NSUN6: variants seen among roughly 807,000 people sequenced by gnomAD.
NSUN6 encodes tRNA (cytosine(72)-C(5))-methyltransferase NSUN6.
In NSUN6, 64 loss-of-function variants were observed where a neutral mutation model predicts 58.0. The ratio of observed to expected loss-of-function variants is 1.10; its 90% confidence interval spans 0.90 to 1.36. The LOEUF is 1.36. Ranked by LOEUF, NSUN6 falls within the 40% of genes most tolerant of loss-of-function variation. The pLI, the probability that NSUN6 is intolerant of heterozygous loss-of-function variation, is 0.00. For missense variants in NSUN6, 701 were observed against 550.1 expected (o/e 1.27, Z -2.74); for synonymous variants, 231 against 193.9 (o/e 1.19, Z -1.59).
At chr10:18,615,106 C>CATATAT (rs5783616) in intron 4 of NSUN6, among the ~76,000 whole-genome samples, 4,761 of 146,940 alleles carry the variant, frequency 0.032, 97 homozygotes, top group African/African-American at 0.068. Context: ...TATAGTCATT[C>CATATAT]ATATATATAT....
At chr10:18,592,478 A>G (rs1378354290) in intron 7 of NSUN6, among the ~76,000 whole-genome samples, 1 of 152,220 alleles carries the variant, frequency 6.6e-6, no homozygotes, top group Non-Finnish European at 1.5e-5. Context: ...CTATATTACA[A>G]GGCTACAGTA....
chr10:18,628,066 C>G (rs552227675), intron 3 of NSUN6, among the ~76,000 whole-genome samples: 19 of 152,168 alleles, frequency 1.2e-4, no homozygotes, highest in African/African-American at 4.3e-4. Flanking sequence ...GATCTGAGAA[C>G]GGGCAGACTG....
chr10:18,606,418 T>A (rs2058050513), intron 6 of NSUN6, among the ~76,000 whole-genome samples: 1 of 151,968 alleles, frequency 6.6e-6, no homozygotes, highest in Non-Finnish European at 1.5e-5. Flanking sequence ...AGAGACATCA[T>A]GATTAAATGC....
intron 3 of NSUN6, among the ~76,000 whole-genome samples, chr10:18,618,682 C>CAAA (rs35116933): frequency 9.7e-5 from 5 of 51,470 alleles, no homozygotes; most frequent in Admixed American, 2.2e-4. Context: ...AACTCCATCT[C>CAAA]AAAAAAAAAA....
intron 8 of NSUN6, among the ~76,000 whole-genome samples, chr10:18,555,727 T>C (rs1461673900): frequency 7.5e-6 from 1 of 132,638 alleles, no homozygotes; most frequent in Non-Finnish European, 1.6e-5. Context: ...GAATGGACAA[T>C]GGGTTAGAAT....
intron 8 of NSUN6, among the ~76,000 whole-genome samples, chr10:18,557,996 T>C (rs1216434618): frequency 2.0e-5 from 3 of 147,342 alleles, no homozygotes; most frequent in East Asian, 2.0e-4. Context: ...TGCAACTGAA[T>C]GGGATGGACA....
At chr10:18,560,822 G>A (rs1313047524) in intron 8 of NSUN6, among the ~76,000 whole-genome samples, 1 of 150,926 alleles carries the variant, frequency 6.6e-6, no homozygotes, top group Non-Finnish European at 1.5e-5. Flanking sequence ...ATATGGAACG[G>A]AATGGAGAAT....
intron 7 of NSUN6, 28 bp from the exon 8 acceptor site, chr10:18,586,121 A>AC: frequency 6.7e-7 from 1 of 1,492,328 alleles, no homozygotes; most frequent in Non-Finnish European, 9.0e-7. Flanking sequence ...ACACACATGC[A>AC]GAAAAAAAAA....
rs531417245 is a variant in NSUN6, at chr10:18,587,540, C to T, written c.778-1447G>A. Reference sequence around the variant, plus strand: ...AACAGCTCCAGTCTGTAGCTCCCAGCGAGACCAATGCAGAACGTGAGTGAT... The same window carrying T: ...AACAGCTCCAGTCTGTAGCTCCCAGTGAGACCAATGCAGAACGTGAGTGAT... On this transcript the variant is annotated intron_variant, in intron 7 of 10. Coordinates refer to ENST00000377304, the MANE Select transcript of NSUN6 (RefSeq NM_182543.5). Among the ~76,000 whole-genome samples, 7 of 152,244 alleles carry T rather than the reference C, an allele frequency of 4.6e-5. No homozygotes were observed. The South Asian group carries it at 6.2e-4, about 14-fold the overall frequency.
At chr10:18,562,439 TG>T in intron 8 of NSUN6, among the ~76,000 whole-genome samples, 1 of 148,708 alleles carries the variant, frequency 6.7e-6, no homozygotes, top group African/African-American at 2.5e-5. Flanking sequence ...GAATGCGGAA[TG>T]GAATGGAATG....
At chr10:18,587,537 C>T (rs2057207155) in intron 7 of NSUN6, among the ~76,000 whole-genome samples, 1 of 152,144 alleles carries the variant, frequency 6.6e-6, no homozygotes, top group Non-Finnish European at 1.5e-5. Flanking sequence ...CTGTAGCTCC[C>T]AGCGAGACCA....
chr10:18,600,825 G>A (rs2057775321), intron 6 of NSUN6, among the ~76,000 whole-genome samples: 1 of 149,724 alleles, frequency 6.7e-6, no homozygotes, highest in African/African-American at 2.5e-5. Context: ...CTACTTAGGA[G>A]GCTAAGGCAT....
rs2057118796 is a variant in NSUN6 at position 18,585,986 on chromosome 10, T to C, written c.885A>G (p.Thr295=). Residue 295 remains threonine, a synonymous_variant, in exon 8 of 11, where the codon ACA becomes ACG. Coordinates refer to ENST00000377304, the MANE Select transcript of NSUN6 (RefSeq NM_182543.5). ...CCACCATATCAAGTTTAACCGCCTT[T>C]GTTCCATCAAAACAAAATGCCCTGA... ...NSIRAFCFDG[T]KAVKLDMVED... 6.2e-7 allele frequency: 1 copy of C among 1,610,784 alleles called. No homozygotes were observed. The highest frequency in any genetic ancestry group is 1.1e-5 in the South Asian group (1 of 89,804).
chr10:18,652,595 C>CT, upstream of NSUN6: 2 of 880,348 alleles, frequency 2.3e-6, no homozygotes, highest in Non-Finnish European at 2.7e-6. Flanking sequence ...TTTTGAGTCT[C>CT]TGTCGCCCAG....
chr10:18,562,288 T>C (rs1384449310), intron 8 of NSUN6, among the ~76,000 whole-genome samples: 2 of 149,240 alleles, frequency 1.3e-5, no homozygotes, highest in African/African-American at 2.5e-5. Context: ...GAATGGAGAA[T>C]GGAATGCAAC....
intron 8 of NSUN6, among the ~76,000 whole-genome samples, chr10:18,585,365 A>C (rs1313391887): frequency 6.6e-6 from 1 of 152,206 alleles, no homozygotes; most frequent in Non-Finnish European, 1.5e-5. Context: ...CTGCACTCTC[A>C]TTTCACTGCA....
intron 2 of NSUN6, among the ~76,000 whole-genome samples, chr10:18,646,885 A>C (rs2059562366): frequency 1.3e-5 from 2 of 152,218 alleles, no homozygotes; most frequent in South Asian, 4.1e-4. Flanking sequence ...AGTGGGCCTC[A>C]GAACAGTTTC....
At chr10:18,639,881 T>C (rs1184084831) in intron 3 of NSUN6, among the ~76,000 whole-genome samples, 1 of 152,210 alleles carries the variant, frequency 6.6e-6, no homozygotes, top group Non-Finnish European at 1.5e-5. Flanking sequence ...TGGTAATATG[T>C]CTCCAACTAA....
At chr10:18,561,712 G>C (rs1378961387) in intron 8 of NSUN6, among the ~76,000 whole-genome samples, 1 of 151,276 alleles carries the variant, frequency 6.6e-6, no homozygotes, top group South Asian at 2.1e-4. Context: ...GAATGGAATA[G>C]AATGGAGAAA....
Sources: gnomAD v4.1 joint callset for allele counts (sites outside exome capture counted in the v4.1 genomes callset) on GRCh38, gnomAD v4.1.1 for gene constraint, MANE v1.5 for transcripts, NCBI Gene and HGNC (gene_info 2026-07-23, HGNC 2026-07-21) for gene names.